The following SLC12A3 variants were observed in gnomAD, a reference collection of about 807,000 sequenced individuals.
SLC12A3 encodes solute carrier family 12 member 3, also known as Na-Cl cotransporter.
SLC12A3 carries 104 observed loss-of-function variants against 121.0 expected under a neutral mutation model. The observed-to-expected ratio is 0.86, with a 90% CI of 0.73 to 1.01. The LOEUF is 1.01. Among genes scored for constraint, SLC12A3 ranks in the 50% least tolerant of loss-of-function variants. The probability of loss-of-function intolerance (pLI) is 0.00; values close to 1 mark genes in which losing one functional copy is unlikely to be tolerated. For synonymous variants in SLC12A3, 536 were observed against 533.4 expected (o/e 1.00, Z -0.07); for missense variants, 1,328 against 1,356.3 (o/e 0.98, Z 0.33).
intron 22 of SLC12A3, among the ~76,000 whole-genome samples, chr16:56,898,253 G>A (rs377719564): frequency 6.6e-6 from 1 of 151,442 alleles, no homozygotes; most frequent in Non-Finnish European, 1.5e-5. Flanking sequence ...AGTTTGATTT[G>A]GTTTTGTTTT....
At chr16:56,909,861 C>A (rs568528089) in intron 25 of SLC12A3, among the ~76,000 whole-genome samples, 1 of 152,150 alleles carries the variant, frequency 6.6e-6, no homozygotes, top group African/African-American at 2.4e-5. Flanking sequence ...TCTGGGAGAG[C>A]GTGCTTGGAG....
rs756126031 is a variant in SLC12A3 at position 56,902,393 on chromosome 16, T to C, written c.2741T>C (p.Met914Thr). Reference sequence around the variant, plus strand: ...CCCAGCACCAAGAGGTTTGAGGACATGATTGCACCCTTCCGTCTGAATGAT... The same window carrying C: ...CCCAGCACCAAGAGGTTTGAGGACACGATTGCACCCTTCCGTCTGAATGAT... ...RAEHTKRFED[M>T]IAPFRLNDGF... is the part of the protein sequence containing the mutation. Residue 914 changes from methionine (M) to threonine (T), a missense_variant, in exon 24 of 26, where the codon ATG (methionine) becomes ACG (threonine). Physicochemically the swap from Met to Thr is moderately conservative, Grantham distance 81 (BLOSUM62 -1). Coordinates refer to ENST00000563236, the MANE Select transcript of SLC12A3 (RefSeq NM_001126108.2). 9 of 1,614,042 alleles carry C rather than the reference T, an allele frequency of 5.6e-6. No homozygotes were observed. The Admixed American group carries it at 1.5e-4, about 27-fold the overall frequency.
intron 13 of SLC12A3, among the ~76,000 whole-genome samples, chr16:56,883,286 T>G (rs1432609778): frequency 1.3e-5 from 2 of 148,318 alleles, no homozygotes; most frequent in Non-Finnish European, 3.0e-5. Context: ...TTTCTTTTTT[T>G]TTTTTTTTTT....
chr16:56,872,832 G>T, intron 8 of SLC12A3, 46 bp downstream of exon 8: 1 of 1,612,058 alleles, frequency 6.2e-7, no homozygotes. Flanking sequence ...CTGCACAGGG[G>T]CTATGAGCAG....
At chr16:56,888,976 GC>G (rs2055355313) in intron 18 of SLC12A3, among the ~76,000 whole-genome samples, 1 of 152,198 alleles carries the variant, frequency 6.6e-6, no homozygotes, top group South Asian at 2.1e-4. Flanking sequence ...CTGAGGCGGT[GC>G]CCCTGAACAG....
In SLC12A3 at chr16:56,915,607, A is replaced by G. The variant is rs1194736081; in HGVS notation, c.*2202A>G. ...TAACTCGAAATAAGGGGAAGCATCCATCAGGGAATGCTGGCCTTTCTAGAG... is the reference window on the plus strand; with the variant it reads ...TAACTCGAAATAAGGGGAAGCATCCGTCAGGGAATGCTGGCCTTTCTAGAG... On this transcript the variant is annotated 3_prime_UTR_variant, in exon 26 of 26. Coordinates refer to ENST00000563236, the MANE Select transcript of SLC12A3 (RefSeq NM_001126108.2). 6.6e-6 allele frequency: 1 copy of G among 152,246 alleles called. No individual in the cohort carries two copies. Among genetic ancestry groups the G allele is most frequent in the African/African-American group, 2.4e-5 (1 of 41,462 alleles). The allele number at this position is 152,246 out of a possible 1,614,324, so 9.4% of individuals were successfully genotyped here.
chr16:56,883,809 G>A (rs181092708), intron 13 of SLC12A3, among the ~76,000 whole-genome samples: 1 of 152,354 alleles, frequency 6.6e-6, no homozygotes, highest in African/African-American at 2.4e-5. Context: ...TCCTGTGGCT[G>A]TATTTGGCCA....
intron 8 of SLC12A3, 52 bp from the exon 9 acceptor site, chr16:56,878,025 T>TCCCTCCCC (rs2055186128): frequency 4.6e-6 from 3 of 651,416 alleles, no homozygotes; most frequent in East Asian, 6.3e-5. Flanking sequence ...CCTCCGTCCC[T>TCCCTCCCC]CCCTCCCTCT....
At chr16:56,911,101 C>T (rs1432612995) in intron 25 of SLC12A3, among the ~76,000 whole-genome samples, 1 of 152,216 alleles carries the variant, frequency 6.6e-6, no homozygotes, top group South Asian at 2.1e-4. Context: ...CTCTCGTGGC[C>T]TTTGAAGTTT....
chr16:56,901,337 C>T (rs2055535125), intron 23 of SLC12A3, among the ~76,000 whole-genome samples: 1 of 105,856 alleles, frequency 9.4e-6, no homozygotes, highest in Non-Finnish European at 1.7e-5. Flanking sequence ...AGCCCTACAT[C>T]TCTCTCTCTC....
chr16:56,909,640 A>C (rs2055657543), intron 25 of SLC12A3, among the ~76,000 whole-genome samples: 1 of 152,020 alleles, frequency 6.6e-6, no homozygotes, highest in Non-Finnish European at 1.5e-5. Flanking sequence ...TCTCTCCATC[A>C]CTAATCTCCA....
chr16:56,900,852 C>T (rs2055528777), intron 23 of SLC12A3, among the ~76,000 whole-genome samples: 5 of 152,038 alleles, frequency 3.3e-5, no homozygotes, highest in Admixed American at 3.3e-4. Context: ...TTTAAAAATC[C>T]CCTCCATTGA....
Position 56,913,988 on chromosome 16 carries a change from C to T in SLC12A3, c.*583C>T, listed in dbSNP as rs1378188043. On this transcript the variant is annotated 3_prime_UTR_variant, in exon 26 of 26. Transcript: ENST00000563236. ...GGTGTAATGGCATGATCTCAGGTCA[C>T]TGCAACCTCCTCCCGGGTTCAAGCA... The T allele has an allele frequency of 6.6e-6, 1 of 152,404 alleles. No homozygotes were observed. The highest frequency in any genetic ancestry group is 1.5e-5 in the Non-Finnish European group (1 of 68,212). The allele number at this position is 152,404 out of a possible 1,614,324, so 9.4% of individuals were successfully genotyped here.
At position 56,884,490 on chromosome 16, in the gene SLC12A3, C is replaced by T. The variant is rs556036121; in HGVS notation, c.1825+286C>T. ...TCCAGGGCCTGCTTCAGCCTCTTCC[C>T]TAGGGCTGTCCCCCAAGAGGGGCCA... is the stretch of plus-strand genomic sequence containing the variant. On this transcript the variant is annotated intron_variant, in intron 14 of 25. Transcript: ENST00000563236. Among the ~76,000 whole-genome samples, 11 of 152,354 alleles carry T rather than the reference C, an allele frequency of 7.2e-5. No homozygotes were observed. The East Asian group carries it at 1.7e-3, about 24-fold the overall frequency.
chr16:56,865,638 T>C (rs1426008344), intron 1 of SLC12A3, 121 bp downstream of exon 1: 10 of 1,118,236 alleles, frequency 8.9e-6, no homozygotes, highest in Middle Eastern at 2.5e-4. Flanking sequence ...GTCTTCTTCC[T>C]GGGTTGAGAG....
chr16:56,894,666 G>A, intron 22 of SLC12A3, 24 bp downstream of exon 22: 6 of 1,570,594 alleles, frequency 3.8e-6, no homozygotes, highest in Non-Finnish European at 4.4e-6. Flanking sequence ...GCTGGCCTGG[G>A]GGTGACTGCA....
chr16:56,883,246 G>T (rs1193075988), intron 13 of SLC12A3, among the ~76,000 whole-genome samples: 6 of 151,312 alleles, frequency 4.0e-5, no homozygotes, highest in Non-Finnish European at 8.8e-5. Flanking sequence ...CTGGCAGATG[G>T]CAATAAAGAG....
chr16:56,886,472 C>T lies in SLC12A3; in HGVS notation c.2034C>T (p.Leu678=), dbSNP rs781389061. The stretch of plus-strand genomic sequence containing the variant: ...GCCTGATGATCTGTGGCCACGTGCT[C>T]ATCGTGAGTGGCCCCTGGAGGGGCA... The part of the protein sequence containing the change: ...NLSLMICGHV[L]IGPHKQRMPE... The change falls in exon 16 of 26, where the codon CTC becomes CTT. Residue 678 remains leucine (L), a synonymous_variant. Coordinates refer to ENST00000563236, the MANE Select transcript of SLC12A3 (RefSeq NM_001126108.2). 1 of 1,612,722 alleles carries T rather than the reference C, an allele frequency of 6.2e-7. No individual in the cohort carries two copies. Among genetic ancestry groups the T allele is most frequent in the Non-Finnish European group, 8.5e-7 (1 of 1,178,954 alleles).
chr16:56,866,964 G>A (rs1310111290), intron 1 of SLC12A3, 106 bp from the exon 2 acceptor site: 11 of 1,461,280 alleles, frequency 7.5e-6, no homozygotes, highest in South Asian at 4.6e-5. Flanking sequence ...CTGAGGGGTC[G>A]GGGGGTGCTC....
Sources: gnomAD v4.1 joint callset for allele counts (sites outside exome capture counted in the v4.1 genomes callset) on GRCh38, gnomAD v4.1.1 for gene constraint, MANE v1.5 for transcripts, NCBI Gene and HGNC (gene_info 2026-07-23, HGNC 2026-07-21) for gene names.